RGR: variants seen among roughly 807,000 people sequenced by gnomAD.
The protein encoded by RGR is retinal G protein coupled receptor, also known as RPE-retinal G protein-coupled receptor.
RGR carries 30 observed loss-of-function variants against 28.6 expected under a neutral mutation model. That is an observed-to-expected ratio of 1.05 (90% CI 0.78 to 1.42). The LOEUF (loss-of-function observed/expected upper bound fraction) is 1.42, where lower values mean the gene tolerates loss of function less well. RGR is among the 40% of genes most tolerant of loss of function. The pLI, the probability that RGR is intolerant of heterozygous loss-of-function variation, is 0.00. For synonymous variants in RGR, 180 were observed against 156.4 expected (o/e 1.15, Z -1.13); for missense variants, 404 against 375.6 (o/e 1.08, Z -0.62).
At chr10:84,252,071 T>G (rs1159119676) in intron 3 of RGR, among the ~76,000 whole-genome samples, 1 of 152,118 alleles carries the variant, frequency 6.6e-6, no homozygotes, top group Non-Finnish European at 1.5e-5. Context: ...TGAAGCCAGA[T>G]CCAGGAGGAA....
chr10:84,247,739 C>G lies in RGR; in HGVS notation c.228C>G (p.Ser76Arg), dbSNP rs772539741. 6.2e-7 allele frequency: 1 copy of G among 1,614,176 alleles called. No homozygotes were observed. Among genetic ancestry groups the G allele is most frequent in the South Asian group, 1.1e-5 (1 of 91,086 alleles). ...SLNALVAATS[S>R]LLRRWPYGSD... is the part of the protein sequence containing the mutation. ...ATGCCCTCGTTGCAGCCACATCCAG[C>G]CTTCTCCGGTACCAGCCCCCTCCCC... Residue 76 changes from serine to arginine, a missense_variant, in exon 2 of 7, where the codon AGC (serine) becomes AGG (arginine). Coordinates refer to ENST00000652092, the MANE Select transcript of RGR (RefSeq NM_001012720.2).
chr10:84,255,483 A>G (rs544942051), intron 5 of RGR: 18 of 152,352 alleles, frequency 1.2e-4, no homozygotes, highest in Non-Finnish European at 2.5e-4. Context: ...GTGGTGCCCA[A>G]AAGATAAAAA....
intron 5 of RGR, among the ~76,000 whole-genome samples, chr10:84,255,635 G>A (rs140724825): frequency 5.8e-4 from 88 of 150,548 alleles, no homozygotes; most frequent in Non-Finnish European, 9.6e-4. Flanking sequence ...CAAAGGAGTC[G>A]TAACAAGCAA....
At chr10:84,257,751 A>C (rs1842905066) in intron 5 of RGR, 142 bp from the exon 6 acceptor site, 4 of 714,906 alleles carry the variant, frequency 5.6e-6, no homozygotes, top group African/African-American at 5.2e-5. Context: ...TCTGGTCCCA[A>C]GTTCCCCTGC....
intron 3 of RGR, among the ~76,000 whole-genome samples, chr10:84,251,388 G>C (rs748112508): frequency 6.6e-6 from 1 of 152,162 alleles, no homozygotes; most frequent in Non-Finnish European, 1.5e-5. Context: ...TCGGTGGCTT[G>C]AACAATAGAA....
At chr10:84,257,834 A>G in intron 5 of RGR, 59 bp from the exon 6 acceptor site, 11 of 1,486,340 alleles carry the variant, frequency 7.4e-6, no homozygotes, top group Non-Finnish European at 9.4e-6. Context: ...TTTCTTGGCC[A>G]CATAGGGCTG....
At chr10:84,258,174 C>T (rs1842911470) in intron 6 of RGR, among the ~76,000 whole-genome samples, 168 bp downstream of exon 6, 1 of 152,160 alleles carries the variant, frequency 6.6e-6, no homozygotes, top group Non-Finnish European at 1.5e-5. Context: ...CCCTAATCCC[C>T]CACCTCGTCT....
At chr10:84,257,559 A>AC (rs1298398985) in intron 5 of RGR, among the ~76,000 whole-genome samples, 1 of 152,072 alleles carries the variant, frequency 6.6e-6, no homozygotes, top group Admixed American at 6.5e-5. Context: ...ACATAGTGAG[A>AC]CCCCTTCTGT....
In RGR at chr10:84,245,059, A is replaced by C; in HGVS notation, c.-32A>C. The stretch of plus-strand genomic sequence containing the variant: ...GGCCTGGCTGTGGGAAGCCAGAGAC[A>C]GCTGGGCCACTGGCAGTGAGGGAGA... On this transcript the variant is annotated 5_prime_UTR_variant, in exon 1 of 7. Transcript: ENST00000652092. The C allele has an allele frequency of 5.6e-6, 9 of 1,608,648 alleles. No homozygotes were observed. Among genetic ancestry groups the C allele is most frequent in the Non-Finnish European group, 6.8e-6 (8 of 1,175,514 alleles).
rs1842731939 is a variant in RGR, at chr10:84,245,146, T to C, written c.56T>C (p.Val19Ala). ...TTCGGGGAGCTCGAGGTGCTGGCTGTGGGGATGGTGCTACTGGTGGAAGGT... is the reference window on the plus strand; with the variant it reads ...TTCGGGGAGCTCGAGGTGCTGGCTGCGGGGATGGTGCTACTGGTGGAAGGT... The part of the protein sequence containing the change: ...TGFGELEVLA[V>A]GMVLLVEALS... Residue 19 changes from valine to alanine, a missense_variant, in exon 1 of 7, where the codon GTG (valine) becomes GCG (alanine). Physicochemically the swap from Val to Ala is moderately conservative, Grantham distance 64 (BLOSUM62 0). Coordinates refer to ENST00000652092, the MANE Select transcript of RGR (RefSeq NM_001012720.2). 6.2e-7 allele frequency: 1 copy of C among 1,612,980 alleles called. No individual in the cohort carries two copies. The highest frequency in any genetic ancestry group is 8.5e-7 in the Non-Finnish European group (1 of 1,179,744).
Position 84,258,719 on chromosome 10 carries a change from A to G in RGR, c.*80A>G. On this transcript the variant is annotated 3_prime_UTR_variant, in exon 7 of 7. Transcript: ENST00000652092. ...CAGCAGCCTCAGTGGCCAAGCCCAG[A>G]CACTCACCCACCTTCCCCAGTGGCC... 1 of 1,596,332 alleles carries G rather than the reference A, an allele frequency of 6.3e-7. No homozygotes were observed. Among genetic ancestry groups the G allele is most frequent in the Middle Eastern group, 1.9e-4 (1 of 5,298 alleles).
In RGR at chr10:84,252,991, G is replaced by T. The variant is rs149516779; in HGVS notation, c.493G>T (p.Asp165Tyr). 1,385 of 1,613,664 alleles carry T rather than the reference G, an allele frequency of 8.6e-4. 1 individual carries two copies. Among genetic ancestry groups the T allele is most frequent in the Admixed American group, 1.4e-3 (84 of 60,014 alleles). ...GCCACTGGGGACATGCTGCACCCTG[G>T]ACTACTCCAAGGGGGACAGGTGAGG... ...YEPLGTCCTL[D>Y]YSKGDRNFTS... The change falls in exon 4 of 7, where the codon GAC becomes TAC. Residue 165 changes from aspartate (D) to tyrosine (Y), a missense_variant. Asp to Tyr is a radical substitution (Grantham distance 160, BLOSUM62 -3). Coordinates refer to ENST00000652092, the MANE Select transcript of RGR (RefSeq NM_001012720.2).
intron 3 of RGR, among the ~76,000 whole-genome samples, chr10:84,252,102 A>G (rs1356329288): frequency 2.6e-5 from 4 of 152,228 alleles, no homozygotes; most frequent in Non-Finnish European, 5.9e-5. Flanking sequence ...GGAAGGACCC[A>G]ATGACACTGC....
chr10:84,246,635 G>A (rs1842750028), intron 1 of RGR, among the ~76,000 whole-genome samples: 1 of 152,164 alleles, frequency 6.6e-6, no homozygotes, highest in African/African-American at 2.4e-5. Flanking sequence ...TGGTCAGTGG[G>A]CACTTACATT....
At chr10:84,252,450 G>A (rs1474890227) in intron 3 of RGR, among the ~76,000 whole-genome samples, 1 of 152,196 alleles carries the variant, frequency 6.6e-6, no homozygotes, top group Non-Finnish European at 1.5e-5. Context: ...ATGGTATAGT[G>A]TGTCTATTTG....
At chr10:84,250,156 T>C (rs1406987177) in intron 3 of RGR, among the ~76,000 whole-genome samples, 1 of 152,102 alleles carries the variant, frequency 6.6e-6, no homozygotes, top group East Asian at 1.9e-4. Context: ...CTTGCCTCGC[T>C]ACTAAGGGCA....
At chr10:84,250,600 A>C (rs1443936885) in intron 3 of RGR, 2 of 631,718 alleles carry the variant, frequency 3.2e-6, no homozygotes, top group African/African-American at 1.8e-5. Flanking sequence ...AATATAGAAC[A>C]GTTAATCCCT....
intron 2 of RGR, chr10:84,248,523 CT>C: frequency 3.1e-6 from 1 of 322,834 alleles, no homozygotes; most frequent in Non-Finnish European, 6.0e-6. Flanking sequence ...TTTGCTTGCC[CT>C]TTTAGGCTGG....
intron 5 of RGR, among the ~76,000 whole-genome samples, chr10:84,256,403 G>A (rs1342778523): frequency 1.3e-5 from 2 of 152,066 alleles, no homozygotes; most frequent in East Asian, 3.9e-4. Context: ...TTGAGGCTGA[G>A]ATGGGGGTTA....
Sources: allele counts gnomAD v4.1 joint callset (sites outside exome capture counted in the v4.1 genomes callset), GRCh38; gene constraint gnomAD v4.1.1; transcripts MANE v1.5; gene names NCBI Gene and HGNC (gene_info 2026-07-23, HGNC 2026-07-21).